Variants in ZZZ3 observed in about 807,000 individuals in gnomAD.
ZZZ3 encodes zinc finger ZZ-type containing 3, also known as ZZ-type zinc finger-containing protein 3.
Under a neutral mutation model 95.2 loss-of-function variants are expected in ZZZ3, and 22 were observed. That is an observed-to-expected ratio of 0.23 (90% confidence interval 0.17 to 0.33). ZZZ3 has a LOEUF of 0.33. Among genes scored for constraint, ZZZ3 ranks in the 10% least tolerant of loss-of-function variants. The pLI, the probability that ZZZ3 is intolerant of heterozygous loss-of-function variation, is 1.00. For missense variants in ZZZ3, 885 were observed against 1,066.5 expected (o/e 0.83, Z 2.37); for synonymous variants, 335 against 358.9 (o/e 0.93, Z 0.75).
At chr1:77,629,823 T>C (rs1467931692) in intron 5 of ZZZ3, among the ~76,000 whole-genome samples, 3 of 152,052 alleles carry the variant, frequency 2.0e-5, no homozygotes, top group Non-Finnish European at 2.9e-5. Flanking sequence ...AAAATAAACA[T>C]ATAAAAGCAC....
At chr1:77,636,131 TA>T in intron 4 of ZZZ3, among the ~76,000 whole-genome samples, 1 of 152,324 alleles carries the variant, frequency 6.6e-6, no homozygotes. Context: ...ACTATACTCA[TA>T]ATTTATGGTT....
chr1:77,581,243 T>C (rs1662491775), intron 8 of ZZZ3, among the ~76,000 whole-genome samples, 174 bp from the exon 9 acceptor site: 1 of 152,242 alleles, frequency 6.6e-6, no homozygotes, highest in Non-Finnish European at 1.5e-5. Context: ...CTTCACATTA[T>C]TTTATTTTGT....
intron 1 of ZZZ3, among the ~76,000 whole-genome samples, chr1:77,662,074 C>T (rs1034478869): frequency 7.3e-5 from 11 of 150,764 alleles, no homozygotes; most frequent in African/African-American, 2.2e-4. Flanking sequence ...GGTACAGTGG[C>T]GTGATCTAGG....
At chr1:77,579,684 G>A (rs1565852) in intron 9 of ZZZ3, 56 bp from the exon 10 acceptor site, 713,152 of 990,156 alleles carry the variant, frequency 0.72, 260,971 homozygotes, top group Admixed American at 0.78. Flanking sequence ...TTAAATATTG[G>A]ATTTCTAAAT....
At chr1:77,620,157 C>T (rs1557732899) in intron 5 of ZZZ3, among the ~76,000 whole-genome samples, 1 of 151,962 alleles carries the variant, frequency 6.6e-6, no homozygotes, top group Non-Finnish European at 1.5e-5. Context: ...GCACAATAAT[C>T]AAGAAAACAG....
Position 77,632,075 on chromosome 1 carries a change from G to A in ZZZ3, c.1280C>T (p.Pro427Leu). Residue 427 changes from proline to leucine, a missense_variant, in exon 5 of 15, where the codon CCT becomes CTT. By Grantham distance (98) the Pro-to-Leu change is moderately conservative (BLOSUM62 -3). Transcript: ENST00000370801. Reference sequence around the variant, plus strand: ...TTGAGAAATTTCACCAGGATTTGTAGGAGATTGACTTACATTATCACTAAC... The same window carrying A: ...TTGAGAAATTTCACCAGGATTTGTAAGAGATTGACTTACATTATCACTAAC... ...ATVSDNVSQSPTNPGEISQNE... is the reference protein window; with the variant it reads ...ATVSDNVSQSLTNPGEISQNE... 5 of 1,614,030 alleles carry A rather than the reference G, an allele frequency of 3.1e-6. No homozygotes were observed. Among genetic ancestry groups the A allele is most frequent in the Non-Finnish European group, 3.4e-6 (4 of 1,179,976 alleles).
At chr1:77,658,515 C>CTTTTTTTTT (rs111821277) in intron 1 of ZZZ3, among the ~76,000 whole-genome samples, 1 of 131,790 alleles carries the variant, frequency 7.6e-6, no homozygotes, top group African/African-American at 2.6e-5. Context: ...CACATCCTGG[C>CTTTTTTTTT]TTTTTTTTTT....
chr1:77,582,684 T>TA (rs1553167814), intron 6 of ZZZ3, among the ~76,000 whole-genome samples: 1 of 151,012 alleles, frequency 6.6e-6, no homozygotes, highest in Non-Finnish European at 1.5e-5. Flanking sequence ...TTTTTTTTTT[T>TA]AAGTCCCAGA....
At chr1:77,599,284 C>T (rs1664507764) in intron 5 of ZZZ3, among the ~76,000 whole-genome samples, 2 of 151,892 alleles carry the variant, frequency 1.3e-5, no homozygotes, top group Non-Finnish European at 2.9e-5. Context: ...TATACTTTTA[C>T]AATTCTATTA....
chr1:77,681,848 G>A (rs1570695311), intron 1 of ZZZ3, among the ~76,000 whole-genome samples: 2 of 146,956 alleles, frequency 1.4e-5, no homozygotes, highest in Middle Eastern at 3.7e-3. Context: ...GCAATGAGCC[G>A]AGATCGCCCC....
At chr1:77,622,409 C>T (rs1422568729) in intron 5 of ZZZ3, among the ~76,000 whole-genome samples, 2 of 130,424 alleles carry the variant, frequency 1.5e-5, no homozygotes, top group Non-Finnish European at 3.3e-5. Context: ...ATTTTTCCAA[C>T]ACAAATGGTA....
chr1:77,625,869 C>T (rs907206771), intron 5 of ZZZ3, among the ~76,000 whole-genome samples: 2 of 151,162 alleles, frequency 1.3e-5, no homozygotes, highest in African/African-American at 2.4e-5. Context: ...TGTGGTGGCA[C>T]GTCTGTAATC....
chr1:77,612,977 GAT>G (rs878858923), intron 5 of ZZZ3, among the ~76,000 whole-genome samples: 1 of 151,900 alleles, frequency 6.6e-6, no homozygotes, highest in Admixed American at 6.6e-5. Context: ...TGAGATGATA[GAT>G]ATGTTAATGT....
intron 1 of ZZZ3, among the ~76,000 whole-genome samples, chr1:77,668,647 CAAA>C (rs34195679): frequency 6.5e-5 from 7 of 107,940 alleles, no homozygotes; most frequent in Non-Finnish European, 8.2e-5. Flanking sequence ...GACCCTGTCT[CAAA>C]AAAAAAAAAA....
At chr1:77,670,536 G>A (rs1048861340) in intron 1 of ZZZ3, among the ~76,000 whole-genome samples, 10 of 152,176 alleles carry the variant, frequency 6.6e-5, no homozygotes, top group African/African-American at 2.2e-4. Context: ...TGGGTTTACA[G>A]GCATGATGAG....
chr1:77,611,217 T>C (rs892867865), intron 5 of ZZZ3, among the ~76,000 whole-genome samples: 13 of 135,200 alleles, frequency 9.6e-5, no homozygotes, highest in African/African-American at 2.4e-4. Flanking sequence ...AACAATCCCA[T>C]TTAAAAATAC....
At chr1:77,678,261 TGG>T (rs1181482406) in intron 1 of ZZZ3, among the ~76,000 whole-genome samples, 2 of 152,220 alleles carry the variant, frequency 1.3e-5, no homozygotes, top group Non-Finnish European at 2.9e-5. Context: ...GAGCCTTGTT[TGG>T]GAGTAATTCC....
chr1:77,652,612 G>A (rs1669907805), intron 1 of ZZZ3, among the ~76,000 whole-genome samples: 1 of 151,962 alleles, frequency 6.6e-6, no homozygotes. Context: ...CAAAAATAAA[G>A]GAAAACATAT....
At chr1:77,599,035 A>G (rs1246547703) in intron 5 of ZZZ3, among the ~76,000 whole-genome samples, 1 of 152,176 alleles carries the variant, frequency 6.6e-6, no homozygotes, top group African/African-American at 2.4e-5. Context: ...TTCAAGGGCA[A>G]CAGTTCCTTC....
Sources: gnomAD v4.1 joint callset for allele counts (sites outside exome capture counted in the v4.1 genomes callset) on GRCh38, gnomAD v4.1.1 for gene constraint, MANE v1.5 for transcripts, NCBI Gene and HGNC (gene_info 2026-07-23, HGNC 2026-07-21) for gene names.